CEP135: variants seen among roughly 807,000 people sequenced by gnomAD.
CEP135 encodes centrosomal protein of 135 kDa.
Under a neutral mutation model 157.3 loss-of-function variants are expected in CEP135, and 142 were observed. The observed-to-expected ratio is 0.90, with a 90% CI of 0.79 to 1.04. CEP135 has a LOEUF of 1.04. Ranked by LOEUF, CEP135 falls within the 50% of genes least tolerant of loss-of-function variation. The pLI, the probability that CEP135 is intolerant of heterozygous loss-of-function variation, is 0.00. For synonymous variants in CEP135, 396 were observed against 439.8 expected (o/e 0.90, Z 1.25); for missense variants, 1,317 against 1,309.2 (o/e 1.01, Z -0.09).
chr4:55,985,700 A>G (rs577592939), intron 14 of CEP135, among the ~76,000 whole-genome samples: 1 of 152,224 alleles, frequency 6.6e-6, no homozygotes, highest in Admixed American at 6.5e-5. Flanking sequence ...TGACATCGTG[A>G]TCTGCCCACC....
chr4:55,981,884 C>T (rs1729423166), intron 13 of CEP135, among the ~76,000 whole-genome samples: 1 of 152,128 alleles, frequency 6.6e-6, no homozygotes, highest in African/African-American at 2.4e-5. Context: ...TTTAATACCC[C>T]AGTAAACCCA....
rs1731398612 is a variant in CEP135, at chr4:56,032,675, TAATG to T, written c.*1330_*1333del. The T allele has an allele frequency of 6.6e-6, 1 of 152,138 alleles. No individual in the cohort carries two copies. The highest frequency in any genetic ancestry group is 2.1e-4 in the South Asian group (1 of 4,828). 9.4% of individuals were successfully genotyped at this position (152,138 alleles called of 1,614,324 possible). A position where few individuals can be genotyped will look rare whatever the true frequency, so the allele number is the denominator to read the frequency against. On this transcript the variant is annotated 3_prime_UTR_variant, in exon 26 of 26. Coordinates refer to ENST00000257287, the MANE Select transcript of CEP135 (RefSeq NM_025009.5). ...AAAGAATTTGGGTGTATACCTATGT[TAATG>T]AAACAACAGAAGTACAAAAAAGAAT...
At chr4:55,949,394 G>C (rs545574321) in intron 1 of CEP135, among the ~76,000 whole-genome samples, 1 of 152,228 alleles carries the variant, frequency 6.6e-6, no homozygotes, top group East Asian at 1.9e-4. Context: ...ACATTAAAAT[G>C]CCTTCTCAGT....
chr4:56,027,271 G>C (rs1376592186), intron 25 of CEP135, among the ~76,000 whole-genome samples: 1 of 152,124 alleles, frequency 6.6e-6, no homozygotes, highest in African/African-American at 2.4e-5. Context: ...TTAGATCAGG[G>C]GTTGGTTGGT....
rs1247486006 is a variant in CEP135 at position 56,009,717 on chromosome 4, A to T, written c.2337-18A>T. 1 of 1,587,796 alleles carries T rather than the reference A, an allele frequency of 6.3e-7. No individual in the cohort carries two copies. The highest frequency in any genetic ancestry group is 2.2e-5 in the East Asian group (1 of 44,648). ...TTTAAAAGTTTTCTTTATTAGTTTC[A>T]CATCACTCATTTAACAGCCAGCTGA... On this transcript the variant is annotated intron_variant, in intron 18 of 25. Transcript: ENST00000257287.
At chr4:55,996,788 A>G (rs765351139) in intron 15 of CEP135, among the ~76,000 whole-genome samples, 3 of 151,016 alleles carry the variant, frequency 2.0e-5, no homozygotes, top group Non-Finnish European at 4.4e-5. Context: ...CTTTAGCTCC[A>G]TTTTAGAACT....
In CEP135 at chr4:56,019,413, A is replaced by C; in HGVS notation, c.3073A>C (p.Asn1025His). ...ESDLLKKQLS[N>H]ERHTVKNLES... ...AGACCTACTGAAAAAACAACTTTCA[A>C]ATGAGAGACATACAGTTAAAAACCT... is the stretch of plus-strand genomic sequence containing the variant. The change falls in exon 23 of 26, where the codon AAT (asparagine) becomes CAT (histidine). Residue 1025 changes from asparagine to histidine, a missense_variant. Transcript: ENST00000257287. 1 of 1,613,966 alleles carries C rather than the reference A, an allele frequency of 6.2e-7. No individual in the cohort carries two copies. Among genetic ancestry groups the C allele is most frequent in the South Asian group, 1.1e-5 (1 of 91,036 alleles).
chr4:56,012,019 T>G, intron 21 of CEP135, 34 bp downstream of exon 21: 1 of 1,236,558 alleles, frequency 8.1e-7, no homozygotes. Context: ...AAGATGTTAT[T>G]TAGTGAAACA....
intron 23 of CEP135, among the ~76,000 whole-genome samples, chr4:56,019,817 T>C (rs1730913419): frequency 6.6e-6 from 1 of 150,964 alleles, no homozygotes; most frequent in Non-Finnish European, 1.5e-5. Context: ...CACACACCTA[T>C]AGTCCCAGCT....
At chr4:55,974,699 A>G (rs757641937) in intron 10 of CEP135, 47 bp from the exon 11 acceptor site, 2 of 1,384,836 alleles carry the variant, frequency 1.4e-6, no homozygotes, top group African/African-American at 1.5e-5. Flanking sequence ...ACTAATCAAC[A>G]TTATGTATAC....
intron 7 of CEP135, 125 bp from the exon 8 acceptor site, chr4:55,965,518 TA>T: frequency 1.5e-6 from 1 of 663,918 alleles, no homozygotes; most frequent in Non-Finnish European, 2.5e-6. Flanking sequence ...TTTGCAAATA[TA>T]AAATAGCTGT....
intron 5 of CEP135, among the ~76,000 whole-genome samples, chr4:55,957,819 T>G (rs1323096099): frequency 6.6e-6 from 1 of 152,250 alleles, no homozygotes; most frequent in Non-Finnish European, 1.5e-5. Context: ...AAATTCCATT[T>G]GATTGAAATG....
chr4:56,029,604 T>A (rs929677064), intron 25 of CEP135, among the ~76,000 whole-genome samples: 1 of 152,186 alleles, frequency 6.6e-6, no homozygotes, highest in African/African-American at 2.4e-5. Flanking sequence ...TGTCATAGAA[T>A]GTATGTACTT....
At chr4:55,953,856 G>A (rs1370645234) in intron 3 of CEP135, among the ~76,000 whole-genome samples, 1 of 152,078 alleles carries the variant, frequency 6.6e-6, no homozygotes, top group African/African-American at 2.4e-5. Flanking sequence ...AGGTACTAGG[G>A]AAAAGATAAT....
chr4:55,971,393 A>G lies in CEP135; in HGVS notation c.1234A>G (p.Ser412Gly), dbSNP rs1363332366. 1 of 1,596,496 alleles carries G rather than the reference A, an allele frequency of 6.3e-7. No individual in the cohort carries two copies. The highest frequency in any genetic ancestry group is 8.5e-7 in the Non-Finnish European group (1 of 1,174,548). The change falls in exon 10 of 26, where the codon AGT becomes GGT. Residue 412 changes from serine to glycine, a missense_variant. Transcript: ENST00000257287. Reference sequence around the variant, plus strand: ...GCAAAGACTTAGCAAAAAAGTTGAAAGTTTTGCAGTTACAGGTAAGATGTC... The same window carrying G: ...GCAAAGACTTAGCAAAAAAGTTGAAGGTTTTGCAGTTACAGGTAAGATGTC... ...EKQRLSKKVE[S>G]FAVTERQLTL...
At chr4:56,005,076 A>G (rs745430553) in intron 17 of CEP135, among the ~76,000 whole-genome samples, 9 of 152,086 alleles carry the variant, frequency 5.9e-5, no homozygotes, top group Non-Finnish European at 1.0e-4. Flanking sequence ...TGTGGTTACC[A>G]TGAAGCTTAC....
chr4:55,996,541 G>T (rs1474818295), intron 15 of CEP135, among the ~76,000 whole-genome samples: 2 of 152,126 alleles, frequency 1.3e-5, no homozygotes, highest in Non-Finnish European at 2.9e-5. Context: ...AGGGCCACTA[G>T]TTACAACCAT....
intron 5 of CEP135, 97 bp downstream of exon 5, chr4:55,957,461 G>T: frequency 9.3e-7 from 1 of 1,078,382 alleles, no homozygotes; most frequent in East Asian, 2.5e-5. Context: ...TAACTGTTGT[G>T]TCTCCAGTGT....
At chr4:55,976,380 G>C (rs1729217909) in intron 11 of CEP135, among the ~76,000 whole-genome samples, 3 of 152,112 alleles carry the variant, frequency 2.0e-5, no homozygotes, top group African/African-American at 7.2e-5. Flanking sequence ...TGACTGAATT[G>C]ATCATTTTTA....
Sources: allele counts gnomAD v4.1 joint callset (sites outside exome capture counted in the v4.1 genomes callset), GRCh38; gene constraint gnomAD v4.1.1; transcripts MANE v1.5; gene names NCBI Gene and HGNC (gene_info 2026-07-23, HGNC 2026-07-21).